Variants in TTC7B observed in about 807,000 individuals in gnomAD.
The protein encoded by TTC7B is tetratricopeptide repeat domain 7B, also known as tetratricopeptide repeat protein 7B.
Under a neutral mutation model 106.8 loss-of-function variants are expected in TTC7B, and 28 were observed. The ratio of observed to expected loss-of-function variants is 0.26; its 90% confidence interval spans 0.19 to 0.36. The LOEUF is 0.36. Among genes scored for constraint, TTC7B ranks in the 10% least tolerant of loss-of-function variants. The pLI is 1.00. For missense variants in TTC7B, 862 were observed against 1,076.4 expected, an observed-to-expected ratio of 0.80 and a Z score of 2.79; for synonymous variants, 405 against 430.6, an observed-to-expected ratio of 0.94 and a Z score of 0.74.
intron 19 of TTC7B, among the ~76,000 whole-genome samples, chr14:90,556,810 GC>G (rs1890328411): frequency 6.6e-6 from 1 of 152,198 alleles, no homozygotes; most frequent in African/African-American, 2.4e-5. Context: ...AGGGAACTTG[GC>G]CCTGCTGCAG....
chr14:90,651,977 T>C (rs536046843), intron 13 of TTC7B, among the ~76,000 whole-genome samples: 10 of 152,340 alleles, frequency 6.6e-5, no homozygotes, highest in African/African-American at 2.4e-4. Context: ...AACTCAGATA[T>C]ATTTAAAGTG....
At chr14:90,563,085 G>A (rs909866797) in intron 19 of TTC7B, among the ~76,000 whole-genome samples, 1 of 152,194 alleles carries the variant, frequency 6.6e-6, no homozygotes, top group Admixed American at 6.5e-5. Flanking sequence ...CTAGGATAGA[G>A]TCATGTTAAC....
intron 19 of TTC7B, among the ~76,000 whole-genome samples, chr14:90,544,533 T>C (rs1889741695): frequency 6.6e-6 from 1 of 152,180 alleles, no homozygotes; most frequent in African/African-American, 2.4e-5. Context: ...AGAGGGAATC[T>C]GACAACTCCA....
At chr14:90,584,659 C>CGAGATCT (rs1566783437) in intron 18 of TTC7B, among the ~76,000 whole-genome samples, 1 of 152,060 alleles carries the variant, frequency 6.6e-6, no homozygotes, top group Non-Finnish European at 1.5e-5. Flanking sequence ...TTCTACCTCA[C>CGAGATCT]CTGCGCCTGG....
At chr14:90,544,602 T>A (rs1275131188) in intron 19 of TTC7B, among the ~76,000 whole-genome samples, 1 of 152,182 alleles carries the variant, frequency 6.6e-6, no homozygotes, top group African/African-American at 2.4e-5. Flanking sequence ...CCTACCCAGG[T>A]TGCATTCAGT....
At chr14:90,779,311 TA>T (rs572682158) in intron 3 of TTC7B, among the ~76,000 whole-genome samples, 203 of 152,278 alleles carry the variant, frequency 1.3e-3, no homozygotes, top group Non-Finnish European at 2.2e-3. Context: ...TTTATTTTTT[TA>T]ATTTTTTTGA....
intron 6 of TTC7B, among the ~76,000 whole-genome samples, chr14:90,692,700 T>C (rs1217279118): frequency 6.6e-6 from 1 of 152,214 alleles, no homozygotes; most frequent in Non-Finnish European, 1.5e-5. Flanking sequence ...GCTGTTCATA[T>C]TGACCAGTTG....
intron 3 of TTC7B, among the ~76,000 whole-genome samples, chr14:90,769,492 A>T (rs1890793325): frequency 6.6e-6 from 1 of 152,262 alleles, no homozygotes; most frequent in Non-Finnish European, 1.5e-5. Flanking sequence ...CCGACTGGAC[A>T]AAGTGGCTCA....
At chr14:90,561,105 C>T (rs975272708) in intron 19 of TTC7B, among the ~76,000 whole-genome samples, 16 of 152,174 alleles carry the variant, frequency 1.1e-4, no homozygotes, top group Admixed American at 1.0e-3. Context: ...CTGTGTGGTG[C>T]GGGGTGCCCT....
intron 18 of TTC7B, among the ~76,000 whole-genome samples, chr14:90,590,064 T>A (rs936149193): frequency 3.3e-5 from 5 of 152,142 alleles, no homozygotes; most frequent in African/African-American, 1.2e-4. Flanking sequence ...ACAGAACCGG[T>A]GACAGTGGTT....
intron 19 of TTC7B, among the ~76,000 whole-genome samples, chr14:90,560,618 A>G (rs1176740728): frequency 1.3e-5 from 2 of 152,216 alleles, no homozygotes; most frequent in Non-Finnish European, 2.9e-5. Context: ...TCCTCAGAAC[A>G]CTTCCCACAT....
chr14:90,725,498 T>C (rs554285558), intron 5 of TTC7B, among the ~76,000 whole-genome samples: 4 of 152,306 alleles, frequency 2.6e-5, no homozygotes, highest in African/African-American at 7.2e-5. Flanking sequence ...TATGGGAAGA[T>C]TGAAAGCTTT....
intron 9 of TTC7B, among the ~76,000 whole-genome samples, 180 bp from the exon 10 acceptor site, chr14:90,658,567 C>A (rs564009418): frequency 7.9e-5 from 12 of 152,350 alleles, no homozygotes; most frequent in African/African-American, 2.9e-4. Flanking sequence ...GGATGATGCA[C>A]CATGCCGGTG....
Position 90,534,791 on chromosome 14 carries a change from T to TGGGGCA in TTC7B, c.*6571_*6576dup, listed in dbSNP as rs1377270161. 1 of 151,934 alleles carries TGGGGCA rather than the reference T, an allele frequency of 6.6e-6. No homozygotes were observed. Among genetic ancestry groups the TGGGGCA allele is most frequent in the Non-Finnish European group, 1.5e-5 (1 of 68,118 alleles). The allele number at this position is 151,934 out of a possible 1,614,324, so 9.4% of individuals were successfully genotyped here. On this transcript the variant is annotated 3_prime_UTR_variant, in exon 20 of 20. Transcript: ENST00000328459. ...GTGCTGCAGGGACCTGGGCTGGGGCTGGGGCAGCAGGTGACAGGCTGGTGA... is the reference window on the plus strand; with the variant it reads ...GTGCTGCAGGGACCTGGGCTGGGGCTGGGGCAGGGGCAGCAGGTGACAGGCTGGTGA...
At chr14:90,584,868 C>A (rs764489067) in intron 18 of TTC7B, among the ~76,000 whole-genome samples, 6 of 151,976 alleles carry the variant, frequency 3.9e-5, no homozygotes, top group Non-Finnish European at 8.8e-5. Context: ...CTGGAGCCCA[C>A]CTTCTTTTTC....
At chr14:90,786,613 C>G (rs1332211209) in intron 1 of TTC7B, among the ~76,000 whole-genome samples, 2 of 151,846 alleles carry the variant, frequency 1.3e-5, no homozygotes, top group Non-Finnish European at 2.9e-5. Flanking sequence ...GAGTTTCGCT[C>G]TTGTTGCTCA....
Position 90,541,486 on chromosome 14 carries a change from C to A in TTC7B, c.2414G>T (p.Gly805Val). The A allele has an allele frequency of 3.7e-6, 6 of 1,614,064 alleles. No homozygotes were observed. Among genetic ancestry groups the A allele is most frequent in the Non-Finnish European group, 5.1e-6 (6 of 1,179,974 alleles). Residue 805 changes from glycine (G) to valine (V), a missense_variant, in exon 20 of 20, where the codon GGC becomes GTC. By Grantham distance (109) the Gly-to-Val change is moderately radical (BLOSUM62 -3). Coordinates refer to ENST00000328459, the MANE Select transcript of TTC7B (RefSeq NM_001010854.2). Reference sequence around the variant, plus strand: ...GTTGCCCTGAGCTTGGAGGACCTCGCCCAGCCCGTTCCAGACCTCGTGGGC... The same window carrying A: ...GTTGCCCTGAGCTTGGAGGACCTCGACCAGCCCGTTCCAGACCTCGTGGGC... ...STAHEVWNGL[G>V]EVLQAQGNDA... is the part of the protein sequence containing the mutation.
At chr14:90,625,278 CAG>C (rs1884390186) in intron 15 of TTC7B, among the ~76,000 whole-genome samples, 1 of 152,172 alleles carries the variant, frequency 6.6e-6, no homozygotes, top group African/African-American at 2.4e-5. Context: ...CGGCTGGGAA[CAG>C]AGAGTCTGAG....
At chr14:90,801,335 A>G (rs1314747490) in intron 1 of TTC7B, among the ~76,000 whole-genome samples, 2 of 151,726 alleles carry the variant, frequency 1.3e-5, no homozygotes, top group Non-Finnish European at 2.9e-5. Context: ...ACGCGAAACC[A>G]CTGACACTTG....
Sources: gnomAD v4.1 joint callset for allele counts (sites outside exome capture counted in the v4.1 genomes callset) on GRCh38, gnomAD v4.1.1 for gene constraint, MANE v1.5 for transcripts, NCBI Gene and HGNC (gene_info 2026-07-23, HGNC 2026-07-21) for gene names.